FKBP2: variants seen among roughly 807,000 people sequenced by gnomAD.
FKBP2 encodes peptidyl-prolyl cis-trans isomerase FKBP2.
In FKBP2, 15 loss-of-function variants were observed where a neutral mutation model predicts 19.4. The ratio of observed to expected loss-of-function variants is 0.77; its 90% CI spans 0.52 to 1.19. The LOEUF is 1.19. FKBP2 is among the 50% of genes most tolerant of loss of function. FKBP2 has a pLI of 0.00. For missense variants in FKBP2, 170 were observed against 179.0 expected, an observed-to-expected ratio of 0.95 and a Z score of 0.29; for synonymous variants, 76 against 74.8, an observed-to-expected ratio of 1.02 and a Z score of -0.08.
chr11:64,243,727 A>T (rs1196879239), intron 4 of FKBP2, 114 bp from the exon 5 acceptor site: 6 of 1,449,816 alleles, frequency 4.1e-6, no homozygotes, highest in Non-Finnish European at 5.8e-6. Flanking sequence ...TCCCATCTCC[A>T]TTACCCTTCT....
chr11:64,243,677 G>C, intron 4 of FKBP2, 164 bp from the exon 5 acceptor site: 3 of 1,163,304 alleles, frequency 2.6e-6, no homozygotes, highest in Non-Finnish European at 3.8e-6. Flanking sequence ...CTCAGCTGTA[G>C]TGGCCCCACT....
intron 1 of FKBP2, chr11:64,242,083 G>C: frequency 3.2e-6 from 1 of 313,834 alleles, no homozygotes; most frequent in Non-Finnish European, 5.9e-6. Flanking sequence ...ACTGAAGAGC[G>C]GAGGTGGGGA....
At chr11:64,242,099 A>C (rs1021654885) in intron 1 of FKBP2, 2 of 343,734 alleles carry the variant, frequency 5.8e-6, no homozygotes, top group Non-Finnish European at 1.1e-5. Flanking sequence ...GGGGACTGGG[A>C]GGGAGGGAAG....
chr11:64,242,644 G>A, intron 2 of FKBP2, 86 bp downstream of exon 2: 2 of 1,417,174 alleles, frequency 1.4e-6, no homozygotes, highest in Non-Finnish European at 1.9e-6. Flanking sequence ...CCATAAGCCA[G>A]GTAGGTGACC....
At position 64,244,062 on chromosome 11, in the gene FKBP2, C is replaced by T. The variant is rs559583407; in HGVS notation, c.*33C>T. The T allele has an allele frequency of 1.8e-5, 29 of 1,590,964 alleles. No homozygotes were observed. The African/African-American group carries it at 3.6e-4, about 20-fold the overall frequency. On this transcript the variant is annotated 3_prime_UTR_variant, in exon 6 of 6. Coordinates refer to ENST00000309366, the MANE Select transcript of FKBP2 (RefSeq NM_004470.4). ...GGGGAGGGGCAGGGGGAGAGGCCCCCATCAGGGACCAGACTGTTCCAAAAA... is the reference window on the plus strand; with the variant it reads ...GGGGAGGGGCAGGGGGAGAGGCCCCTATCAGGGACCAGACTGTTCCAAAAA...
intron 1 of FKBP2, chr11:64,241,936 G>C: frequency 6.5e-6 from 1 of 154,944 alleles, no homozygotes; most frequent in Non-Finnish European, 1.4e-5. Flanking sequence ...CTCGGGGCCG[G>C]CCCCCTGCAG....
At position 64,244,078 on chromosome 11, in the gene FKBP2, G is replaced by A. The variant is rs774324964; in HGVS notation, c.*49G>A. 66 of 1,523,086 alleles carry A rather than the reference G, an allele frequency of 4.3e-5. No homozygotes were observed. The highest frequency in any genetic ancestry group is 5.6e-5 in the Non-Finnish European group (62 of 1,109,298). 94.3% of individuals were successfully genotyped at this position (1,523,086 alleles called of 1,614,324 possible). On this transcript the variant is annotated 3_prime_UTR_variant, in exon 6 of 6. Coordinates refer to ENST00000309366, the MANE Select transcript of FKBP2 (RefSeq NM_004470.4). Reference sequence around the variant, plus strand: ...AGAGGCCCCCATCAGGGACCAGACTGTTCCAAAAAAAAAACAAAAAACAAA... The same window carrying A: ...AGAGGCCCCCATCAGGGACCAGACTATTCCAAAAAAAAAACAAAAAACAAA...
At chr11:64,242,163 C>A in intron 1 of FKBP2, 1 of 478,540 alleles carries the variant, frequency 2.1e-6, no homozygotes, top group Non-Finnish European at 3.7e-6. Flanking sequence ...TCCCCTGACC[C>A]CCTCCCCCCG....
chr11:64,242,213 GGTA>G, intron 1 of FKBP2, 168 bp from the exon 2 acceptor site: 1 of 585,280 alleles, frequency 1.7e-6, no homozygotes, highest in East Asian at 3.5e-5. Context: ...TCACTGGACT[GGTA>G]AGTGTGGCCC....
chr11:64,243,165 C>T (rs2135015242), intron 2 of FKBP2, 34 bp from the exon 3 acceptor site: 5 of 1,599,728 alleles, frequency 3.1e-6, no homozygotes, highest in Non-Finnish European at 4.3e-6. Context: ...GGGGTGGTCC[C>T]CTCTTCCTCA....
At chr11:64,243,528 A>C (rs770299162) in intron 4 of FKBP2, 31 bp downstream of exon 4, 1 of 1,612,306 alleles carries the variant, frequency 6.2e-7, no homozygotes, top group South Asian at 1.1e-5. Flanking sequence ...GTGCAGAGCG[A>C]GTTTGGGGTG....
At position 64,244,101 on chromosome 11, in the gene FKBP2, A is replaced by T; in HGVS notation, c.*72A>T. 1 of 1,538,356 alleles carries T rather than the reference A, an allele frequency of 6.5e-7. No homozygotes were observed. The highest frequency in any genetic ancestry group is 1.2e-5 in the South Asian group (1 of 86,718). On this transcript the variant is annotated 3_prime_UTR_variant, in exon 6 of 6. Coordinates refer to ENST00000309366, the MANE Select transcript of FKBP2 (RefSeq NM_004470.4). Reference sequence around the variant, plus strand: ...CTGTTCCAAAAAAAAAACAAAAAACAAAAACAAACAAAAAAACACTTAAAA... The same window carrying T: ...CTGTTCCAAAAAAAAAACAAAAAACTAAAACAAACAAAAAAACACTTAAAA...
intron 2 of FKBP2, 124 bp downstream of exon 2, chr11:64,242,682 C>T (rs2030604771): frequency 1.9e-6 from 2 of 1,075,792 alleles, no homozygotes; most frequent in Non-Finnish European, 2.6e-6. Flanking sequence ...CGCCTCTAAG[C>T]CAGTTTCCAT....
rs752496195 is a variant in FKBP2, at chr11:64,243,491, G to A, written c.325G>A (p.Glu109Lys). The change falls in exon 4 of 6, where the codon GAG becomes AAG. Residue 109 changes from glutamate (E) to lysine (K), a missense_variant. By Grantham distance (56) the Glu-to-Lys change is moderately conservative. Transcript: ENST00000309366. ...AAAGCGCAAGCTGGTGATCCCATCC[G>A]AGCTAGGTAAGAGGCCCCTCCTGAG... ...GEKRKLVIPS[E>K]LGYGERGAPP... The A allele has an allele frequency of 1.1e-5, 17 of 1,613,678 alleles. No individual in the cohort carries two copies. Among genetic ancestry groups the A allele is most frequent in the Admixed American group, 6.7e-5 (4 of 60,008 alleles).
Position 64,243,821 on chromosome 11 carries a change from T to TA in FKBP2, c.332-20_332-19insA, listed in dbSNP as rs1565322241. The TA allele has an allele frequency of 6.2e-7, 1 of 1,613,962 alleles. No individual in the cohort carries two copies. On this transcript the variant is annotated intron_variant, in intron 4 of 5. Transcript: ENST00000309366. ...GGGAGCTTGGCCATCACTGACTGTT[T>TA]CTTTGTGCATCTTCAACAGGGTATG...
rs1232448817 is a variant in FKBP2 at position 64,242,474 on chromosome 11, G to A, written c.87G>A (p.Arg29=). ...CGGCCACGGGGGCCGAGGGCAAAAG[G>A]AAGCTGCAGATCGGGGTCAAGAAGC... ...VATATGAEGK[R]KLQIGVKKRV... is the part of the protein sequence containing the mutation. Residue 29 remains arginine, a synonymous_variant, in exon 2 of 6, where the codon AGG becomes AGA. Coordinates refer to ENST00000309366, the MANE Select transcript of FKBP2 (RefSeq NM_004470.4). The A allele has an allele frequency of 6.4e-7, 1 of 1,553,244 alleles. No individual in the cohort carries two copies. Among genetic ancestry groups the A allele is most frequent in the Non-Finnish European group, 8.6e-7 (1 of 1,156,658 alleles).
chr11:64,243,553 G>A, intron 4 of FKBP2, 56 bp downstream of exon 4: 3 of 1,595,112 alleles, frequency 1.9e-6, no homozygotes, highest in Non-Finnish European at 1.7e-6. Flanking sequence ...ACTGGGAAGG[G>A]TGAAAGCTGC....
chr11:64,242,094 C>A, intron 1 of FKBP2: 1 of 338,122 alleles, frequency 3.0e-6, no homozygotes, highest in Non-Finnish European at 5.4e-6. Flanking sequence ...GAGGTGGGGA[C>A]TGGGAGGGAG....
chr11:64,241,152 C>G lies in FKBP2; in HGVS notation c.-5+20C>G, dbSNP rs1016780517. 6.6e-6 allele frequency: 1 copy of G among 152,080 alleles called. No homozygotes were observed. Among genetic ancestry groups the G allele is most frequent in the African/African-American group, 2.4e-5 (1 of 41,314 alleles). The allele number at this position is 152,080 out of a possible 1,614,324, so 9.4% of individuals were successfully genotyped here. On this transcript the variant is annotated intron_variant, in intron 1 of 5. Coordinates refer to ENST00000309366, the MANE Select transcript of FKBP2 (RefSeq NM_004470.4). ...GAGGAGGTGAGCGGGGGCCACAGCCCGGGCTGGGGGGAGCCGGGGTGCAAG... is the reference window on the plus strand; with the variant it reads ...GAGGAGGTGAGCGGGGGCCACAGCCGGGGCTGGGGGGAGCCGGGGTGCAAG...
Sources: allele counts gnomAD v4.1 joint callset, GRCh38; gene constraint gnomAD v4.1.1; transcripts MANE v1.5; gene names NCBI Gene and HGNC (gene_info 2026-07-23, HGNC 2026-07-21).